Variants in PABPN1L observed in about 807,000 individuals in gnomAD.
PABPN1L encodes the protein embryonic polyadenylate-binding protein 2.
A neutral mutation model predicts 34.0 loss-of-function variants in PABPN1L; 45 were observed. That is an observed-to-expected ratio of 1.32 (90% CI 1.04 to 1.70). The LOEUF (loss-of-function observed/expected upper bound fraction) is 1.70, where lower values mean the gene tolerates loss of function less well. Among genes scored for constraint, PABPN1L ranks in the 40% most tolerant of loss-of-function variants. PABPN1L has a pLI of 0.00. For synonymous variants in PABPN1L, 182 were observed against 152.1 expected (o/e 1.20, Z -1.45); for missense variants, 459 against 367.8 (o/e 1.25, Z -2.03).
chr16:88,866,796 C>G, upstream of PABPN1L: 1 of 763,234 alleles, frequency 1.3e-6, no homozygotes, highest in South Asian at 2.1e-5. Context: ...TTCCCTGTCA[C>G]TCGGACAGGT....
At chr16:88,864,366 C>A in exon 6 of PABPN1L, 1 of 1,555,704 alleles carries the variant, frequency 6.4e-7, no homozygotes, top group Non-Finnish European at 8.7e-7. Context: ...GAAGTTGGTT[C>A]TTTTCGGCAG....
At chr16:88,867,459 G>C (rs983603738), upstream of PABPN1L, among the ~76,000 whole-genome samples, 1 of 152,118 alleles carries the variant, frequency 6.6e-6, no homozygotes, top group Non-Finnish European at 1.5e-5. Context: ...TCGAACTCCT[G>C]ACCTCAGGTG....
rs886629024 is a variant in PABPN1L, at chr16:88,863,574, G to A, written c.*182C>T. On this transcript the variant is annotated 3_prime_UTR_variant, in exon 7 of 7. Transcript: ENST00000419291. Reference sequence around the variant, plus strand: ...GACTCGTGGCTGTGGCCTTGGGTCTGGACCACCATACAAGGCCCTACTGGG... The same window carrying A: ...GACTCGTGGCTGTGGCCTTGGGTCTAGACCACCATACAAGGCCCTACTGGG... The A allele has an allele frequency of 6.7e-5, 53 of 792,812 alleles. No homozygotes were observed. The African/African-American group carries it at 8.0e-4, about 12-fold the overall frequency. 49.1% of individuals were successfully genotyped at this position (792,812 alleles called of 1,614,324 possible).
upstream of PABPN1L, among the ~76,000 whole-genome samples, chr16:88,868,584 C>T (rs754347986): frequency 2.0e-5 from 3 of 151,594 alleles, no homozygotes; most frequent in South Asian, 6.3e-4. Flanking sequence ...CCGGCCTGGG[C>T]GACGGAGTGA....
At chr16:88,864,354 G>A (rs760070210) in exon 6 of PABPN1L, 2 of 1,556,242 alleles carry the variant, frequency 1.3e-6, no homozygotes, top group African/African-American at 1.4e-5. Flanking sequence ...GCTGATCCCA[G>A]GGAAGTTGGT....
At chr16:88,867,337 C>G (rs538855184), upstream of PABPN1L, among the ~76,000 whole-genome samples, 1 of 151,934 alleles carries the variant, frequency 6.6e-6, no homozygotes, top group Admixed American at 6.6e-5. Flanking sequence ...GGGTGATTCT[C>G]CTGCCTCAGC....
chr16:88,866,522 C>T (rs1486304107), exon 1 of PABPN1L: 2 of 1,551,054 alleles, frequency 1.3e-6, no homozygotes, highest in East Asian at 4.9e-5. Context: ...GCCCCCCAGC[C>T]CTGGGCCTCA....
chr16:88,864,207 C>G (rs757123531), intron 6 of PABPN1L, 30 bp downstream of exon 6: 372 of 1,504,816 alleles, frequency 2.5e-4, no homozygotes, highest in Non-Finnish European at 3.2e-4. Flanking sequence ...GGCCCTCGCC[C>G]CCAGGCTGCC....
upstream of PABPN1L, chr16:88,866,685 C>T (rs551157320): frequency 6.9e-7 from 1 of 1,448,806 alleles, no homozygotes; most frequent in African/African-American, 1.4e-5. Flanking sequence ...CCAGGCTCTC[C>T]TGGAGTTTTA....
upstream of PABPN1L, among the ~76,000 whole-genome samples, chr16:88,866,819 C>G (rs1003929767): frequency 2.6e-5 from 4 of 152,216 alleles, no homozygotes; most frequent in Admixed American, 1.3e-4. Context: ...CTCCAGGACA[C>G]TCTCCCTGGA....
chr16:88,867,159 C>T (rs974706060), upstream of PABPN1L, among the ~76,000 whole-genome samples: 3 of 150,526 alleles, frequency 2.0e-5, no homozygotes, highest in African/African-American at 7.3e-5. Flanking sequence ...ACAGCTGTCT[C>T]TGCATCCTGA....
At chr16:88,864,802 G>A (rs1290514540) in intron 5 of PABPN1L, 51 bp downstream of exon 5, 3 of 1,517,074 alleles carry the variant, frequency 2.0e-6, no homozygotes, top group South Asian at 1.2e-5. Context: ...CAGGGCCAGT[G>A]GGCCAGCCCC....
chr16:88,865,993 G>C, intron 1 of PABPN1L, 52 bp from the exon 2 acceptor site: 1 of 1,532,376 alleles, frequency 6.5e-7, no homozygotes, highest in Non-Finnish European at 8.8e-7. Flanking sequence ...CTCTGCTCAA[G>C]GAAGGTGGGT....
At chr16:88,864,473 C>G in intron 5 of PABPN1L, 94 bp from the exon 6 acceptor site, 1 of 1,442,402 alleles carries the variant, frequency 6.9e-7, no homozygotes, top group East Asian at 2.5e-5. Flanking sequence ...GCATGGGGTC[C>G]TGCCCGGCTC....
exon 2 of PABPN1L, chr16:88,865,849 C>G: frequency 6.2e-7 from 1 of 1,610,060 alleles, no homozygotes; most frequent in Admixed American, 1.7e-5. Flanking sequence ...CGGTGCCCTC[C>G]TCTTCCTCGG....
At chr16:88,869,611 TG>T (rs1382528231), upstream of PABPN1L, among the ~76,000 whole-genome samples, 1 of 152,224 alleles carries the variant, frequency 6.6e-6, no homozygotes, top group African/African-American at 2.4e-5. Flanking sequence ...TGGAGCCCCC[TG>T]CCCCGTGTGT....
chr16:88,864,601 G>GGGGGGGGTCACGGCCAGCACCCCTGCAGA, intron 5 of PABPN1L, among the ~76,000 whole-genome samples: 3 of 150,996 alleles, frequency 2.0e-5, no homozygotes, highest in African/African-American at 7.3e-5. Flanking sequence ...CCCCTGCAGA[G>GGGGGGGGTCACGGCCAGCACCCCTGCAGA]GGGGGGGTCA....
chr16:88,865,206 G>T, intron 3 of PABPN1L, 78 bp from the exon 4 acceptor site: 1 of 1,448,064 alleles, frequency 6.9e-7, no homozygotes, highest in Non-Finnish European at 9.4e-7. Context: ...GGTGAGGAAA[G>T]AAACCCCAAG....
chr16:88,865,264 C>CG lies in PABPN1L; in HGVS notation c.460-137dup, dbSNP rs932739713. 2.2e-5 allele frequency: 20 copies of CG among 907,356 alleles called. No individual in the cohort carries two copies. In the African/African-American group the frequency reaches 3.4e-4, roughly 15 times the overall value. 56.2% of individuals were successfully genotyped at this position (907,356 alleles called of 1,614,324 possible). ...GCCCCAGGCCTCCACCCCACACCCC[C>CG]GCTGGGGTTGGAGGGAAGAGAGGAA... On this transcript the variant is annotated intron_variant, in intron 3 of 6. Coordinates refer to ENST00000419291, the Ensembl canonical transcript of PABPN1L.
Sources: gnomAD v4.1 joint callset for allele counts (sites outside exome capture counted in the v4.1 genomes callset) on GRCh38, gnomAD v4.1.1 for gene constraint, MANE v1.5 for transcripts, NCBI Gene and HGNC (gene_info 2026-07-23, HGNC 2026-07-21) for gene names.